Variants in CDH13 observed in about 807,000 individuals in gnomAD.
CDH13 encodes the protein cadherin-13.
In CDH13, 24 loss-of-function variants were observed where a neutral mutation model predicts 63.8. The observed-to-expected ratio is 0.38, with a 90% CI of 0.27 to 0.53. The LOEUF (loss-of-function observed/expected upper bound fraction) is 0.53. Ranked by LOEUF, CDH13 falls within the 20% of genes least tolerant of loss-of-function variation. The probability of loss-of-function intolerance (pLI) is 0.85; values close to 1 mark genes in which losing one functional copy is unlikely to be tolerated. For synonymous variants in CDH13, 503 were observed against 355.3 expected, an observed-to-expected ratio of 1.42 and a Z score of -4.67; for missense variants, 1,049 against 903.1, an observed-to-expected ratio of 1.16 and a Z score of -2.07.
At chr16:82,998,826 A>G (rs890317154) in intron 2 of CDH13, among the ~76,000 whole-genome samples, 4 of 150,604 alleles carry the variant, frequency 2.7e-5, no homozygotes, top group Non-Finnish European at 4.4e-5. Flanking sequence ...CTTAAGCCTG[A>G]CTTAAGAAAC....
chr16:82,787,737 A>G (rs1014183854), intron 1 of CDH13, among the ~76,000 whole-genome samples: 4 of 145,012 alleles, frequency 2.8e-5, no homozygotes, highest in South Asian at 2.3e-4. Flanking sequence ...TAGGCTCATT[A>G]ATCATGCTCT....
intron 5 of CDH13, among the ~76,000 whole-genome samples, chr16:83,289,199 C>G (rs2089405405): frequency 6.6e-6 from 1 of 152,154 alleles, no homozygotes; most frequent in South Asian, 2.1e-4. Flanking sequence ...TGTGCGTGAA[C>G]TTGGTTGTCA....
At chr16:82,874,071 C>T (rs1020172501) in intron 2 of CDH13, among the ~76,000 whole-genome samples, 11 of 152,060 alleles carry the variant, frequency 7.2e-5, no homozygotes, top group Non-Finnish European at 1.2e-4. Context: ...TTGTATTACA[C>T]GATTCTACGA....
chr16:82,967,276 G>T (rs142408791), intron 2 of CDH13, among the ~76,000 whole-genome samples: 48 of 151,974 alleles, frequency 3.2e-4, no homozygotes, highest in African/African-American at 9.7e-4. Flanking sequence ...CATTTTAGGT[G>T]ATTCTCTTTC....
intron 5 of CDH13, among the ~76,000 whole-genome samples, chr16:83,218,868 A>G (rs1482959264): frequency 2.0e-5 from 3 of 152,110 alleles, no homozygotes; most frequent in Admixed American, 6.5e-5. Context: ...GTGATAGTGA[A>G]TAAGTCTCAT....
In CDH13 at chr16:83,678,289, T is replaced by G; in HGVS notation, c.1366T>G (p.Tyr456Asp). Residue 456 changes from tyrosine to aspartate, a missense_variant, in exon 10 of 14, where the codon TAC (tyrosine) becomes GAC (aspartate). Tyr to Asp is a radical substitution (Grantham distance 160). Coordinates refer to ENST00000567109, the MANE Select transcript of CDH13 (RefSeq NM_001257.5). ...NEDPLVPDVS[Y>D]GPSSTATVHI... ...AGACCCACTCGTACCCGACGTCTCC[T>G]ACGGCCCCAGCTCCACAGCCACCGT... The G allele has an allele frequency of 6.2e-7, 1 of 1,613,978 alleles. No homozygotes were observed. Among genetic ancestry groups the G allele is most frequent in the Non-Finnish European group, 8.5e-7 (1 of 1,179,890 alleles).
chr16:83,299,557 C>T (rs978609981), intron 5 of CDH13, among the ~76,000 whole-genome samples: 2 of 152,188 alleles, frequency 1.3e-5, no homozygotes, highest in South Asian at 2.1e-4. Context: ...ATTCTTTGTT[C>T]ATTCCACATA....
intron 3 of CDH13, among the ~76,000 whole-genome samples, chr16:83,104,992 C>G (rs750756365): frequency 1.4e-4 from 22 of 152,172 alleles, no homozygotes; most frequent in Non-Finnish European, 2.9e-4. Flanking sequence ...TTTTTTCTCT[C>G]TCTCTTTTGG....
At chr16:82,943,959 C>A (rs1032440905) in intron 2 of CDH13, among the ~76,000 whole-genome samples, 9 of 152,182 alleles carry the variant, frequency 5.9e-5, no homozygotes, top group Non-Finnish European at 1.3e-4. Flanking sequence ...GCAATGTTGT[C>A]CTTGGCATCT....
At chr16:82,772,714 C>G (rs2035319687) in intron 1 of CDH13, among the ~76,000 whole-genome samples, 1 of 152,172 alleles carries the variant, frequency 6.6e-6, no homozygotes, top group Non-Finnish European at 1.5e-5. Context: ...TTATTATCAT[C>G]TTTGTCATCC....
At chr16:82,970,685 C>T (rs921784791) in intron 2 of CDH13, among the ~76,000 whole-genome samples, 1 of 152,136 alleles carries the variant, frequency 6.6e-6, no homozygotes, top group Non-Finnish European at 1.5e-5. Context: ...TTCTTAAGGG[C>T]TCAGCTTAAA....
intron 5 of CDH13, among the ~76,000 whole-genome samples, chr16:83,271,296 G>A (rs189105645): frequency 3.3e-5 from 5 of 151,298 alleles, no homozygotes; most frequent in African/African-American, 1.2e-4. Context: ...ATGTGGGTGA[G>A]TCTTACGGAT....
intron 10 of CDH13, among the ~76,000 whole-genome samples, chr16:83,716,107 A>G (rs117883391): frequency 0.01 from 1,565 of 152,128 alleles, 73 homozygotes; most frequent in Admixed American, 0.077. Context: ...GTTTTAATAG[A>G]CTTTGTTTTT....
chr16:83,253,863 C>T (rs765658095), intron 5 of CDH13, among the ~76,000 whole-genome samples: 6 of 152,196 alleles, frequency 3.9e-5, no homozygotes, highest in Admixed American at 6.5e-5. Context: ...TGGGGGCATT[C>T]AGTACTTTCT....
intron 7 of CDH13, among the ~76,000 whole-genome samples, chr16:83,561,815 C>G (rs1204364655): frequency 1.3e-5 from 2 of 152,168 alleles, no homozygotes; most frequent in Non-Finnish European, 1.5e-5. Flanking sequence ...TGTTCCACAG[C>G]TGAGTGGCAT....
chr16:83,569,904 T>C (rs1436777694), intron 7 of CDH13, among the ~76,000 whole-genome samples: 1 of 152,044 alleles, frequency 6.6e-6, no homozygotes, highest in Non-Finnish European at 1.5e-5. Flanking sequence ...GCCAGGCTAA[T>C]TTTTGTATTT....
At chr16:82,649,491 C>T (rs915822173) in intron 1 of CDH13, among the ~76,000 whole-genome samples, 5 of 152,150 alleles carry the variant, frequency 3.3e-5, no homozygotes, top group Non-Finnish European at 7.4e-5. Context: ...CAAAAAGAAC[C>T]AGTCACTGGT....
chr16:82,645,960 G>A (rs1019743650), intron 1 of CDH13, among the ~76,000 whole-genome samples: 2 of 152,182 alleles, frequency 1.3e-5, no homozygotes, highest in South Asian at 2.1e-4. Context: ...AACTTTTGGG[G>A]GTTATCTGTT....
intron 1 of CDH13, among the ~76,000 whole-genome samples, chr16:82,662,881 C>T (rs552510361): frequency 2.7e-5 from 4 of 148,084 alleles, no homozygotes; most frequent in Admixed American, 6.7e-5. Flanking sequence ...CGTGGGCATG[C>T]CTGTGTGTCT....
Sources: gnomAD v4.1 joint callset for allele counts (sites outside exome capture counted in the v4.1 genomes callset) on GRCh38, gnomAD v4.1.1 for gene constraint, MANE v1.5 for transcripts, NCBI Gene and HGNC (gene_info 2026-07-23, HGNC 2026-07-21) for gene names.